The following CENPN variants were observed in gnomAD, a reference collection of about 807,000 sequenced individuals.
The protein encoded by CENPN is centromere protein N.
CENPN carries 36 observed loss-of-function variants against 48.6 expected under a neutral mutation model. The ratio of observed to expected loss-of-function variants is 0.74; its 90% CI spans 0.57 to 0.98. The LOEUF is 0.98. Ranked by LOEUF, CENPN falls within the 50% of genes least tolerant of loss-of-function variation. CENPN has a pLI of 0.00. For synonymous variants in CENPN, 166 were observed against 135.2 expected (o/e 1.23, Z -1.58); for missense variants, 439 against 399.2 (o/e 1.10, Z -0.85).
At chr16:81,021,845 C>A (rs992212273) in intron 6 of CENPN, among the ~76,000 whole-genome samples, 1 of 151,966 alleles carries the variant, frequency 6.6e-6, no homozygotes, top group African/African-American at 2.4e-5. Flanking sequence ...CCCTCCACCC[C>A]CAAGGTTCAA....
chr16:81,024,453 G>A (rs1428180812), intron 7 of CENPN: 2 of 245,328 alleles, frequency 8.2e-6, no homozygotes, highest in African/African-American at 2.3e-5. Context: ...AAATGCTTCC[G>A]TAGATTCCCT....
In CENPN at chr16:81,029,278, A is replaced by G. The variant is rs114145162; in HGVS notation, c.*627A>G. ...GTGTATAACATTCAAACTGACAAAT[A>G]TATTGACTTATGAATAAAGGTGTCA... On this transcript the variant is annotated 3_prime_UTR_variant, in exon 11 of 11. Transcript: ENST00000305850. The G allele has an allele frequency of 5.4e-4, 492 of 911,158 alleles. No individual in the cohort carries two copies. In the African/African-American group the frequency reaches 8.3e-3, roughly 15 times the overall value. The allele number at this position is 911,158 out of a possible 1,614,324, so 56.4% of individuals were successfully genotyped here. A position where few individuals can be genotyped will look rare whatever the true frequency, so the allele number is the denominator to read the frequency against.
chr16:81,030,348 C>G lies in CENPN; in HGVS notation c.*1697C>G, dbSNP rs927900080. Reference sequence around the variant, plus strand: ...GTGGCTCACACTTGTAATCCCAGCACTTCAGGAGGTTTCTCCTAGTGTACT... The same window carrying G: ...GTGGCTCACACTTGTAATCCCAGCAGTTCAGGAGGTTTCTCCTAGTGTACT... On this transcript the variant is annotated 3_prime_UTR_variant, in exon 11 of 11. Transcript: ENST00000305850. 2 of 985,250 alleles carry G rather than the reference C, an allele frequency of 2.0e-6. No homozygotes were observed. Among genetic ancestry groups the G allele is most frequent in the Admixed American group, 1.2e-4 (2 of 16,260 alleles). The allele number at this position is 985,250 out of a possible 1,614,324, so 61.0% of individuals were successfully genotyped here.
rs1346476059 is a variant in CENPN at position 81,030,329 on chromosome 16, C to T, written c.*1678C>T. The T allele has an allele frequency of 1.2e-5, 12 of 985,236 alleles. No homozygotes were observed. Among genetic ancestry groups the T allele is most frequent in the Non-Finnish European group, 1.4e-5 (12 of 829,900 alleles). 61.0% of individuals were successfully genotyped at this position (985,236 alleles called of 1,614,324 possible). On this transcript the variant is annotated 3_prime_UTR_variant, in exon 11 of 11. Coordinates refer to ENST00000305850, the MANE Select transcript of CENPN (RefSeq NM_001100624.3). ...ACACATTAGACTGGGCATGGTGGCTCACACTTGTAATCCCAGCACTTCAGG... is the reference window on the plus strand; with the variant it reads ...ACACATTAGACTGGGCATGGTGGCTTACACTTGTAATCCCAGCACTTCAGG...
downstream of CENPN, among the ~76,000 whole-genome samples, chr16:81,032,209 TTATC>T (rs373845706): frequency 6.2e-3 from 946 of 152,310 alleles, 10 homozygotes; most frequent in African/African-American, 0.022. Flanking sequence ...TCAAATCTCA[TTATC>T]TATCAAAAAA....
chr16:81,030,472 G>C lies in CENPN; in HGVS notation c.*1821G>C. 1.1e-6 allele frequency: 1 copy of C among 890,252 alleles called. No individual in the cohort carries two copies. Among genetic ancestry groups the C allele is most frequent in the Non-Finnish European group, 1.3e-6 (1 of 743,040 alleles). 55.1% of individuals were successfully genotyped at this position (890,252 alleles called of 1,614,324 possible). On this transcript the variant is annotated 3_prime_UTR_variant, in exon 11 of 11. Coordinates refer to ENST00000305850, the MANE Select transcript of CENPN (RefSeq NM_001100624.3). ...AGAAAAATGACTTCACTCTGGGCCG[G>C]GTGTAGTGGCTCACGCCTGTAATCC... is the stretch of plus-strand genomic sequence containing the variant.
chr16:81,021,715 A>T (rs1970214480), intron 6 of CENPN, among the ~76,000 whole-genome samples: 1 of 151,274 alleles, frequency 6.6e-6, no homozygotes. Flanking sequence ...AGGTGAGTAC[A>T]CCTTGCCACA....
chr16:81,023,805 G>A lies in CENPN; in HGVS notation c.634-910G>A, dbSNP rs953443105. ...TACAACAAATAACCAGGCATGCCGG[G>A]CGCGGTGGCTCACACCTGTAATCCC... On this transcript the variant is annotated intron_variant, in intron 7 of 10. Coordinates refer to ENST00000305850, the MANE Select transcript of CENPN (RefSeq NM_001100624.3). 13 of 152,412 alleles carry A rather than the reference G, an allele frequency of 8.5e-5. No homozygotes were observed. In the East Asian group the frequency reaches 2.3e-3, roughly 27 times the overall value. The allele number at this position is 152,412 out of a possible 1,614,324, so 9.4% of individuals were successfully genotyped here. A position where few individuals can be genotyped will look rare whatever the true frequency, so the allele number is the denominator to read the frequency against.
chr16:81,024,608 G>T, intron 7 of CENPN, 107 bp from the exon 8 acceptor site: 2 of 714,524 alleles, frequency 2.8e-6, no homozygotes, highest in Non-Finnish European at 4.4e-6. Context: ...GGATCTTTCT[G>T]TTGGAAAAAA....
At chr16:81,027,140 C>T (rs923461036) in intron 9 of CENPN, among the ~76,000 whole-genome samples, 3 of 152,106 alleles carry the variant, frequency 2.0e-5, no homozygotes, top group South Asian at 2.1e-4. Context: ...GCACATGGGG[C>T]TCATACCGTG....
chr16:81,014,987 T>C (rs1429701013), intron 3 of CENPN, among the ~76,000 whole-genome samples: 3 of 152,248 alleles, frequency 2.0e-5, no homozygotes. Context: ...CTAATGTAAG[T>C]GCTCTGAGCA....
At chr16:81,011,854 T>G (rs547825741) in intron 1 of CENPN, 76 bp from the exon 2 acceptor site, 8 of 1,196,362 alleles carry the variant, frequency 6.7e-6, no homozygotes, top group Non-Finnish European at 9.7e-6. Context: ...CATATGTGTA[T>G]GTGTATGTGT....
Position 81,028,289 on chromosome 16 carries a change from C to A in CENPN, c.929C>A (p.Ala310Glu). 2 of 1,614,096 alleles carry A rather than the reference C, an allele frequency of 1.2e-6. No homozygotes were observed. The highest frequency in any genetic ancestry group is 1.7e-6 in the Non-Finnish European group (2 of 1,179,974). Residue 310 changes from alanine to glutamate, a missense_variant, in exon 10 of 11, where the codon GCA becomes GAA. Physicochemically the swap from Ala to Glu is moderately radical, Grantham distance 107 (BLOSUM62 -1). Transcript: ENST00000305850. ...PHLLEALKSL[A>E]PAGIADAPLS... ...CTTCTGGAAGCATTGAAATCCTTAGCACCAGCGGGTGAGTGGTCAGCTTAC... is the reference window on the plus strand; with the variant it reads ...CTTCTGGAAGCATTGAAATCCTTAGAACCAGCGGGTGAGTGGTCAGCTTAC...
chr16:81,022,478 TC>T (rs1301186983), intron 6 of CENPN, 118 bp from the exon 7 acceptor site: 1 of 839,854 alleles, frequency 1.2e-6, no homozygotes, highest in African/African-American at 1.7e-5. Flanking sequence ...TTTCTAGACT[TC>T]TTTTTACACT....
intron 8 of CENPN, 51 bp downstream of exon 8, chr16:81,024,829 A>G (rs369549627): frequency 5.0e-6 from 6 of 1,198,376 alleles, no homozygotes; most frequent in African/African-American, 1.5e-5. Flanking sequence ...TCATTCCCTT[A>G]TAGATTTCTT....
chr16:81,010,554 G>A (rs77229709), intron 1 of CENPN, among the ~76,000 whole-genome samples: 1 of 152,156 alleles, frequency 6.6e-6, no homozygotes, highest in Non-Finnish European at 1.5e-5. Flanking sequence ...TGCATTAAAG[G>A]ACTAAGAGAC....
At chr16:81,020,450 G>A (rs988611886) in intron 6 of CENPN, 174 bp downstream of exon 6, 38 of 554,524 alleles carry the variant, frequency 6.9e-5, no homozygotes, top group African/African-American at 6.4e-4. Flanking sequence ...TCGTGCCCAC[G>A]AGTCCAAGGC....
Position 81,030,205 on chromosome 16 carries a change from T to TATCACAG in CENPN, c.*1555_*1561dup. On this transcript the variant is annotated 3_prime_UTR_variant, in exon 11 of 11. Coordinates refer to ENST00000305850, the MANE Select transcript of CENPN (RefSeq NM_001100624.3). ...CTTGTGTGGAGACACAGCCAAACCA[T>TATCACAG]ATCACAGGCATGAGCTACCACGCCC... 2 of 985,442 alleles carry TATCACAG rather than the reference T, an allele frequency of 2.0e-6. No homozygotes were observed. The highest frequency in any genetic ancestry group is 2.4e-6 in the Non-Finnish European group (2 of 829,926). 61.0% of individuals were successfully genotyped at this position (985,442 alleles called of 1,614,324 possible).
At chr16:81,027,211 T>C (rs1253744039) in intron 9 of CENPN, among the ~76,000 whole-genome samples, 2 of 152,166 alleles carry the variant, frequency 1.3e-5, no homozygotes, top group Non-Finnish European at 2.9e-5. Context: ...GATATCTCAG[T>C]TGGGCACAGT....
Sources: allele counts gnomAD v4.1 joint callset (sites outside exome capture counted in the v4.1 genomes callset), GRCh38; gene constraint gnomAD v4.1.1; transcripts MANE v1.5; gene names NCBI Gene and HGNC (gene_info 2026-07-23, HGNC 2026-07-21).